Variants in CPQ observed in about 807,000 individuals in gnomAD.
The protein encoded by CPQ is carboxypeptidase Q, also known as Ser-Met dipeptidase.
CPQ carries 37 observed loss-of-function variants against 45.7 expected under a neutral mutation model. The observed-to-expected ratio is 0.81, with a 90% CI of 0.62 to 1.07. CPQ has a LOEUF of 1.07. CPQ is among the 50% of genes least tolerant of loss of function. The probability of loss-of-function intolerance (pLI) is 0.00; values close to 1 mark genes in which losing one functional copy is unlikely to be tolerated. For synonymous variants in CPQ, 186 were observed against 205.8 expected, an observed-to-expected ratio of 0.90 and a Z score of 0.82; for missense variants, 537 against 572.9, an observed-to-expected ratio of 0.94 and a Z score of 0.64.
intron 2 of CPQ, among the ~76,000 whole-genome samples, chr8:96,790,170 A>G (rs952972267): frequency 6.6e-6 from 1 of 152,160 alleles, no homozygotes; most frequent in East Asian, 1.9e-4. Context: ...ACTAACATCA[A>G]TAAGAACTAT....
intron 6 of CPQ, chr8:97,055,531 TG>T (rs1810439329): frequency 6.6e-6 from 1 of 152,230 alleles, no homozygotes. Context: ...CTAAATAGGC[TG>T]AAGGAAGGCA....
intron 5 of CPQ, among the ~76,000 whole-genome samples, chr8:97,025,567 T>C (rs1355639221): frequency 7.9e-5 from 12 of 152,148 alleles, no homozygotes; most frequent in Admixed American, 6.5e-4. Context: ...TCTAGGACTT[T>C]CCCTCATGTG....
chr8:97,042,270 C>A (rs1335748516), intron 6 of CPQ, among the ~76,000 whole-genome samples: 1 of 151,884 alleles, frequency 6.6e-6, no homozygotes, highest in Non-Finnish European at 1.5e-5. Context: ...AGTTTATTTG[C>A]GTAAAGGTGT....
At chr8:96,723,300 A>G (rs1809791899) in intron 1 of CPQ, among the ~76,000 whole-genome samples, 1 of 152,212 alleles carries the variant, frequency 6.6e-6, no homozygotes, top group Non-Finnish European at 1.5e-5. Context: ...AAATTAAATA[A>G]AATACAGTAA....
At chr8:97,080,108 T>C (rs1171148631) in intron 7 of CPQ, among the ~76,000 whole-genome samples, 2 of 152,188 alleles carry the variant, frequency 1.3e-5, no homozygotes, top group East Asian at 3.9e-4. Flanking sequence ...GCTGATTGAC[T>C]GCATGTCTTC....
intron 1 of CPQ, among the ~76,000 whole-genome samples, chr8:96,718,293 A>G (rs2249392): frequency 0.49 from 74,342 of 152,040 alleles, 20,077 homozygotes; most frequent in African/African-American, 0.72. Flanking sequence ...GCGGACCCTC[A>G]CAGTGAGTGT....
chr8:96,973,174 C>T (rs1813710224), intron 5 of CPQ, among the ~76,000 whole-genome samples: 1 of 151,826 alleles, frequency 6.6e-6, no homozygotes, highest in Admixed American at 6.6e-5. Flanking sequence ...AAATAGACAG[C>T]ATAAATGTAA....
intron 1 of CPQ, among the ~76,000 whole-genome samples, chr8:96,749,885 T>TA (rs2130784832): frequency 1.3e-5 from 2 of 152,236 alleles, no homozygotes; most frequent in East Asian, 3.9e-4. Context: ...CATACTCTAA[T>TA]AAGTATACCA....
chr8:96,954,537 T>C (rs1344948841), intron 4 of CPQ, among the ~76,000 whole-genome samples: 1 of 152,130 alleles, frequency 6.6e-6, no homozygotes, highest in African/African-American at 2.4e-5. Flanking sequence ...AACTAAACTA[T>C]TCATTCTCCT....
chr8:96,905,293 C>T (rs1199001784), intron 4 of CPQ, among the ~76,000 whole-genome samples: 1 of 152,094 alleles, frequency 6.6e-6, no homozygotes, highest in Non-Finnish European at 1.5e-5. Flanking sequence ...CCCACCAGGC[C>T]CTTCCTCTAA....
At chr8:96,864,426 A>G (rs1811970542) in intron 3 of CPQ, among the ~76,000 whole-genome samples, 1 of 152,028 alleles carries the variant, frequency 6.6e-6, no homozygotes, top group Admixed American at 6.6e-5. Context: ...GCTGCAGACC[A>G]CAGAAACTTC....
At chr8:96,744,695 A>G (rs1407140288) in intron 1 of CPQ, among the ~76,000 whole-genome samples, 10 of 152,038 alleles carry the variant, frequency 6.6e-5, no homozygotes, top group African/African-American at 2.2e-4. Context: ...TTTATTTTAA[A>G]TTTTTGTATG....
chr8:96,802,896 T>C (rs965067055), intron 2 of CPQ, among the ~76,000 whole-genome samples: 4 of 152,194 alleles, frequency 2.6e-5, no homozygotes, highest in African/African-American at 9.7e-5. Context: ...ATAAGAATTA[T>C]CCTACGAAGA....
intron 1 of CPQ, among the ~76,000 whole-genome samples, chr8:96,767,635 C>CTTTGTTTTTTTTTTTTT (rs1810484662): frequency 2.5e-5 from 1 of 39,278 alleles, no homozygotes; most frequent in Non-Finnish European, 4.4e-5. Context: ...GTTACCTATG[C>CTTTGTTTTTTTTTTTTT]TTTTTTTTTT....
intron 2 of CPQ, among the ~76,000 whole-genome samples, chr8:96,810,836 A>G (rs187075103): frequency 3.7e-4 from 56 of 152,284 alleles, no homozygotes; most frequent in Admixed American, 7.8e-4. Context: ...ACCAGTGTAT[A>G]TAATTTTTGA....
intron 4 of CPQ, among the ~76,000 whole-genome samples, chr8:96,922,055 G>A (rs145045212): frequency 7.4e-4 from 112 of 151,864 alleles, no homozygotes; most frequent in African/African-American, 2.1e-3. Flanking sequence ...ATTTTTCCCC[G>A]TAAGAGTAGC....
At chr8:96,682,576 C>G (rs1356715660) in intron 1 of CPQ, among the ~76,000 whole-genome samples, 1 of 152,108 alleles carries the variant, frequency 6.6e-6, no homozygotes, top group Non-Finnish European at 1.5e-5. Flanking sequence ...TGGAGTCTGT[C>G]TCTCCCTTTA....
chr8:96,980,299 A>G (rs1813870049), intron 5 of CPQ, among the ~76,000 whole-genome samples: 1 of 151,892 alleles, frequency 6.6e-6, no homozygotes, highest in Non-Finnish European at 1.5e-5. Flanking sequence ...TGCCCAACTA[A>G]TTTTTGTATT....
chr8:96,812,935 A>C (rs1376144812), intron 2 of CPQ, among the ~76,000 whole-genome samples: 1 of 152,020 alleles, frequency 6.6e-6, no homozygotes, highest in Non-Finnish European at 1.5e-5. Flanking sequence ...ATCAAGCCTG[A>C]CAGTGATATG....
Sources: allele counts gnomAD v4.1 joint callset (sites outside exome capture counted in the v4.1 genomes callset), GRCh38; gene constraint gnomAD v4.1.1; transcripts MANE v1.5; gene names NCBI Gene and HGNC (gene_info 2026-07-23, HGNC 2026-07-21).